The following SLAMF1 variants were observed in gnomAD, a reference collection of about 807,000 sequenced individuals.
SLAMF1 encodes the protein signaling lymphocytic activation molecule family member 1.
Under a neutral mutation model 35.1 loss-of-function variants are expected in SLAMF1, and 18 were observed. That is an observed-to-expected ratio of 0.51 (90% CI 0.35 to 0.76). The LOEUF (loss-of-function observed/expected upper bound fraction) is 0.76, where lower values mean the gene tolerates loss of function less well. Ranked by LOEUF, SLAMF1 falls within the 30% of genes least tolerant of loss-of-function variation. SLAMF1 has a pLI of 0.01. For synonymous variants in SLAMF1, 168 were observed against 157.2 expected (o/e 1.07, Z -0.51); for missense variants, 392 against 413.0 (o/e 0.95, Z 0.44).
chr1:160,630,027 C>CA (rs1362333772), intron 3 of SLAMF1, among the ~76,000 whole-genome samples: 3 of 152,234 alleles, frequency 2.0e-5, no homozygotes, highest in Non-Finnish European at 4.4e-5. Context: ...TGAGCTAACT[C>CA]AGAGGTGCTG....
intron 1 of SLAMF1, 87 bp downstream of exon 1, chr1:160,646,783 G>A: frequency 5.4e-6 from 4 of 746,034 alleles, no homozygotes; most frequent in Non-Finnish European, 9.7e-6. Context: ...ACAATACCCA[G>A]CCCTGCACCT....
chr1:160,644,108 C>T (rs1660906210), intron 1 of SLAMF1, among the ~76,000 whole-genome samples: 1 of 152,318 alleles, frequency 6.6e-6, no homozygotes, highest in Admixed American at 6.5e-5. Flanking sequence ...CCTCTACGTT[C>T]TTCTGTGATT....
Position 160,647,017 on chromosome 1 carries a change from G to A in SLAMF1, c.-72C>T. The A allele has an allele frequency of 1.3e-6, 1 of 795,090 alleles. No individual in the cohort carries two copies. The highest frequency in any genetic ancestry group is 2.3e-4 in the Middle Eastern group (1 of 4,390). The allele number at this position is 795,090 out of a possible 1,614,324, so 49.3% of individuals were successfully genotyped here. A position where few individuals can be genotyped will look rare whatever the true frequency, so the allele number is the denominator to read the frequency against. ...GCTCACAGATGCCAGGCAGAAGCAA[G>A]CTTCGTGTCATGCAGCAGAGGCTGT... On this transcript the variant is annotated 5_prime_UTR_variant, in exon 1 of 7. Transcript: ENST00000302035.
rs1400644936 is a variant in SLAMF1, at chr1:160,618,558, ATAGAG to A, written c.864+1213_864+1217del. 8.5e-5 allele frequency among the ~76,000 whole-genome samples: 13 copies of A among 152,298 alleles called. No homozygotes were observed. The South Asian group carries it at 1.9e-3, about 22-fold the overall frequency. Reference sequence around the variant, plus strand: ...TCTCCTAGGTGTATAGTGGCTACAAATAGAGTAGAGAACAGACTCCAGTCCTCAAA... The same window carrying A: ...TCTCCTAGGTGTATAGTGGCTACAAATAGAGAACAGACTCCAGTCCTCAAA... On this transcript the variant is annotated intron_variant, in intron 5 of 6. Coordinates refer to ENST00000302035, the MANE Select transcript of SLAMF1 (RefSeq NM_003037.5).
intron 3 of SLAMF1, among the ~76,000 whole-genome samples, chr1:160,625,199 G>C (rs1039595280): frequency 6.6e-6 from 1 of 152,136 alleles, no homozygotes; most frequent in South Asian, 2.1e-4. Context: ...TGAACAGTGG[G>C]GACCGAGCTG....
intron 3 of SLAMF1, 49 bp from the exon 4 acceptor site, chr1:160,624,234 T>A: frequency 1.6e-6 from 2 of 1,269,174 alleles, no homozygotes; most frequent in Non-Finnish European, 2.3e-6. Flanking sequence ...ATTCTGAGCT[T>A]AAAAACATCT....
intron 3 of SLAMF1, among the ~76,000 whole-genome samples, chr1:160,627,692 G>C (rs1659951759): frequency 6.6e-6 from 1 of 152,184 alleles, no homozygotes; most frequent in South Asian, 2.1e-4. Context: ...TTCAGGTCAA[G>C]CTGCACATGA....
intron 1 of SLAMF1, among the ~76,000 whole-genome samples, chr1:160,644,672 G>C (rs1323313985): frequency 1.3e-5 from 2 of 152,174 alleles, no homozygotes; most frequent in African/African-American, 4.8e-5. Flanking sequence ...CAAATCTATG[G>C]ATTAAACCAA....
chr1:160,612,641 C>T (rs750603725), intron 5 of SLAMF1, 61 bp from the exon 6 acceptor site: 3 of 1,011,206 alleles, frequency 3.0e-6, no homozygotes, highest in Admixed American at 1.9e-5. Flanking sequence ...TCACCCAACT[C>T]TCCGATAGAG....
Position 160,637,334 on chromosome 1 carries a change from T to C in SLAMF1, c.272A>G (p.Tyr91Cys), listed in dbSNP as rs746414435. The C allele has an allele frequency of 1.2e-6, 2 of 1,614,156 alleles. No individual in the cohort carries two copies. Among genetic ancestry groups the C allele is most frequent in the Admixed American group, 1.7e-5 (1 of 60,026 alleles). ...ATAAAACTTGTAGCGATCTCCTAGA[T>C]AACGTGGAGGGCCTGCTTCGGATGG... Reference protein sequence around the residue: ...LDPSEAGPPRYLGDRYKFYLE... With the variant: ...LDPSEAGPPRCLGDRYKFYLE... The change falls in exon 2 of 7, where the codon TAT becomes TGT. Residue 91 changes from tyrosine to cysteine, a missense_variant. Physicochemically the swap from Tyr to Cys is radical, Grantham distance 194. Transcript: ENST00000302035.
chr1:160,637,011 A>G (rs908724269), intron 2 of SLAMF1, 180 bp downstream of exon 2: 10 of 565,846 alleles, frequency 1.8e-5, no homozygotes, highest in Non-Finnish European at 3.2e-5. Flanking sequence ...TGCAATTTGG[A>G]AAAAAAAATG....
chr1:160,637,510 G>A lies in SLAMF1; in HGVS notation c.96C>T (p.Cys32=), dbSNP rs774485524. ...TTCCCAACTGCCGGAGAATCTTTGG[G>A]CAGTTCATCATGCGCCCACCTGTGG... ...SYGTGGRMMN[C]PKILRQLGSK... is the part of the protein sequence containing the mutation. Residue 32 remains cysteine, a synonymous_variant, in exon 2 of 7, where the codon TGC becomes TGT. Transcript: ENST00000302035. 10 of 1,610,746 alleles carry A rather than the reference G, an allele frequency of 6.2e-6. No homozygotes were observed. In the Admixed American group the frequency reaches 1.5e-4, roughly 24 times the overall value.
chr1:160,622,065 G>T (rs1284082731), intron 4 of SLAMF1, among the ~76,000 whole-genome samples: 1 of 152,122 alleles, frequency 6.6e-6, no homozygotes, highest in Non-Finnish European at 1.5e-5. Context: ...TTGCAGGTCA[G>T]CTCAGAGTCA....
intron 5 of SLAMF1, among the ~76,000 whole-genome samples, chr1:160,615,110 T>C (rs1022179889): frequency 3.9e-5 from 6 of 152,252 alleles, no homozygotes; most frequent in African/African-American, 7.2e-5. Context: ...AATAAAGGCA[T>C]TGTTAGTTTT....
intron 3 of SLAMF1, among the ~76,000 whole-genome samples, chr1:160,624,662 G>T (rs1322707710): frequency 6.6e-6 from 1 of 152,168 alleles, no homozygotes; most frequent in Non-Finnish European, 1.5e-5. Context: ...AAACATAATA[G>T]TGCTATTGTT....
At chr1:160,640,348 A>ATATATATATATG (rs1660679170) in intron 1 of SLAMF1, among the ~76,000 whole-genome samples, 1 of 140,608 alleles carries the variant, frequency 7.1e-6, no homozygotes, top group Middle Eastern at 3.3e-3. Flanking sequence ...ATATATATAT[A>ATATATATATATG]TATATATATA....
At chr1:160,622,488 C>T (rs1659667802) in intron 4 of SLAMF1, among the ~76,000 whole-genome samples, 1 of 152,202 alleles carries the variant, frequency 6.6e-6, no homozygotes, top group South Asian at 2.1e-4. Context: ...CCAGATGCTT[C>T]CAGTGCAGCT....
rs1658806987 is a variant in SLAMF1 at position 160,608,372 on chromosome 1, A to G, written c.*2376T>C. On this transcript the variant is annotated 3_prime_UTR_variant, in exon 7 of 7. Coordinates refer to ENST00000302035, the MANE Select transcript of SLAMF1 (RefSeq NM_003037.5). ...CAGACATGCTTGGTCAAAAGAAAAC[A>G]GCATTAGAGGGGAAACACGGGGAAA... 6.6e-6 allele frequency: 1 copy of G among 152,200 alleles called. No individual in the cohort carries two copies. Among genetic ancestry groups the G allele is most frequent in the Non-Finnish European group, 1.5e-5 (1 of 68,040 alleles). The allele number at this position is 152,200 out of a possible 1,614,324, so 9.4% of individuals were successfully genotyped here.
chr1:160,626,675 T>A (rs1659898139), intron 3 of SLAMF1, among the ~76,000 whole-genome samples: 1 of 152,148 alleles, frequency 6.6e-6, no homozygotes, highest in Non-Finnish European at 1.5e-5. Context: ...AGATGGGAAC[T>A]GCAGATTTTG....
Sources: gnomAD v4.1 joint callset for allele counts (sites outside exome capture counted in the v4.1 genomes callset) on GRCh38, gnomAD v4.1.1 for gene constraint, MANE v1.5 for transcripts, NCBI Gene and HGNC (gene_info 2026-07-23, HGNC 2026-07-21) for gene names.